L3MBTL4: variants seen among roughly 807,000 people sequenced by gnomAD.
The protein encoded by L3MBTL4 is L3MBTL histone methyl-lysine binding protein 4, also known as lethal(3)malignant brain tumor-like protein 4.
In L3MBTL4, 70 loss-of-function variants were observed where a neutral mutation model predicts 84.5. That is an observed-to-expected ratio of 0.83 (90% confidence interval 0.68 to 1.01). The LOEUF (loss-of-function observed/expected upper bound fraction) is 1.01. L3MBTL4 is among the 50% of genes least tolerant of loss of function. The pLI, the probability that L3MBTL4 is intolerant of heterozygous loss-of-function variation, is 0.00. For synonymous variants in L3MBTL4, 274 were observed against 259.8 expected (o/e 1.05, Z -0.52); for missense variants, 715 against 754.8 (o/e 0.95, Z 0.62).
chr18:6,361,458 G>C (rs569092518), intron 1 of L3MBTL4, among the ~76,000 whole-genome samples: 1 of 152,122 alleles, frequency 6.6e-6, no homozygotes, highest in African/African-American at 2.4e-5. Flanking sequence ...ACAGATCCAG[G>C]GGTGGCCTCC....
intron 5 of L3MBTL4, among the ~76,000 whole-genome samples, chr18:6,263,269 C>CAAAA (rs750079581): frequency 1.6e-5 from 1 of 60,692 alleles, no homozygotes. Flanking sequence ...CTCCGTCTCA[C>CAAAA]AAAAAAAAAA....
intron 13 of L3MBTL4, among the ~76,000 whole-genome samples, chr18:6,149,317 C>G (rs1034189721): frequency 2.0e-5 from 3 of 150,750 alleles, no homozygotes; most frequent in East Asian, 2.0e-4. Context: ...TTTGTCCTTG[C>G]GATAGTTTGC....
intron 11 of L3MBTL4, among the ~76,000 whole-genome samples, chr18:6,214,562 AAT>A (rs1352778033): frequency 1.3e-5 from 2 of 152,250 alleles, no homozygotes; most frequent in Non-Finnish European, 2.9e-5. Flanking sequence ...ATATGTCAGT[AAT>A]AAACAGTCAA....
chr18:6,344,254 C>T (rs1391133461), intron 1 of L3MBTL4, among the ~76,000 whole-genome samples: 1 of 152,050 alleles, frequency 6.6e-6, no homozygotes, highest in African/African-American at 2.4e-5. Context: ...GCGATCATAA[C>T]ACTACTATGA....
At chr18:6,274,938 A>G (rs2049019065) in intron 4 of L3MBTL4, among the ~76,000 whole-genome samples, 1 of 152,220 alleles carries the variant, frequency 6.6e-6, no homozygotes, top group Non-Finnish European at 1.5e-5. Context: ...TTTCTAGCTT[A>G]GGAGAGTGAA....
chr18:5,956,184 C>T lies in L3MBTL4; in HGVS notation c.*36G>A. The T allele has an allele frequency of 6.3e-7, 1 of 1,575,436 alleles. No homozygotes were observed. The highest frequency in any genetic ancestry group is 8.7e-7 in the Non-Finnish European group (1 of 1,151,566). ...CTCCACTTTTATTGCTGAAAGAGCG[C>T]AGGTCTTGGTGCCAGAGGAAGTTCA... On this transcript the variant is annotated 3_prime_UTR_variant, in exon 19 of 19. Transcript: ENST00000317931.
At chr18:6,211,636 T>C (rs1440055240) in intron 12 of L3MBTL4, among the ~76,000 whole-genome samples, 2 of 152,110 alleles carry the variant, frequency 1.3e-5, no homozygotes, top group East Asian at 1.9e-4. Context: ...TGAGCTTATC[T>C]TAGAAATGAA....
At chr18:6,349,802 C>A (rs539339364) in intron 1 of L3MBTL4, among the ~76,000 whole-genome samples, 29 of 152,186 alleles carry the variant, frequency 1.9e-4, no homozygotes, top group African/African-American at 6.0e-4. Flanking sequence ...AGAGTAATCA[C>A]CTGTGGTGGG....
At chr18:6,222,468 G>A (rs926060231) in intron 10 of L3MBTL4, among the ~76,000 whole-genome samples, 6 of 151,736 alleles carry the variant, frequency 4.0e-5, no homozygotes, top group Admixed American at 1.3e-4. Context: ...CTGGCTGAGC[G>A]CCCAGCAGAA....
intron 1 of L3MBTL4, among the ~76,000 whole-genome samples, chr18:6,345,996 G>A (rs1000346043): frequency 6.6e-6 from 1 of 151,052 alleles, no homozygotes; most frequent in Non-Finnish European, 1.5e-5. Context: ...GGAACAGAAT[G>A]GAGCGCCAAG....
At chr18:5,972,792 A>G (rs932375383) in intron 16 of L3MBTL4, among the ~76,000 whole-genome samples, 1 of 152,044 alleles carries the variant, frequency 6.6e-6, no homozygotes, top group Non-Finnish European at 1.5e-5. Flanking sequence ...TTAGGTACTT[A>G]ATTTCTACAT....
intron 18 of L3MBTL4, among the ~76,000 whole-genome samples, chr18:5,958,069 A>C (rs551659176): frequency 9.5e-5 from 3 of 31,710 alleles, no homozygotes; most frequent in Non-Finnish European, 1.4e-4. Context: ...AAGGAGAAGA[A>C]GAAGAAGAAG....
chr18:6,031,788 A>C (rs1157531915), intron 16 of L3MBTL4: 5 of 982,364 alleles, frequency 5.1e-6, no homozygotes, highest in Non-Finnish European at 6.0e-6. Flanking sequence ...TCATCTGGTG[A>C]CTAAAGGCAA....
chr18:6,155,733 T>C (rs1397299431), intron 13 of L3MBTL4, among the ~76,000 whole-genome samples: 1 of 152,204 alleles, frequency 6.6e-6, no homozygotes, highest in East Asian at 1.9e-4. Flanking sequence ...GTTCTCTAAG[T>C]CTGTCATTTA....
At chr18:6,120,908 A>C (rs962352183) in intron 14 of L3MBTL4, among the ~76,000 whole-genome samples, 11 of 152,158 alleles carry the variant, frequency 7.2e-5, no homozygotes, top group African/African-American at 2.7e-4. Flanking sequence ...AGCTATTATA[A>C]ATAGCGCTGC....
chr18:5,984,383 T>C (rs1214247025), intron 16 of L3MBTL4, among the ~76,000 whole-genome samples: 1 of 152,260 alleles, frequency 6.6e-6, no homozygotes, highest in Admixed American at 6.5e-5. Flanking sequence ...CTTAACACTA[T>C]GGTGACAACT....
intron 15 of L3MBTL4, among the ~76,000 whole-genome samples, chr18:6,081,432 G>A (rs567007294): frequency 9.2e-4 from 140 of 152,130 alleles, no homozygotes; most frequent in African/African-American, 3.1e-3. Context: ...TATGTAGTAC[G>A]GCCTAATTCT....
intron 4 of L3MBTL4, among the ~76,000 whole-genome samples, chr18:6,298,884 A>G (rs1487823732): frequency 6.6e-6 from 1 of 152,124 alleles, no homozygotes; most frequent in Non-Finnish European, 1.5e-5. Flanking sequence ...AAAAAAAAAC[A>G]AAACAAAACA....
At chr18:6,308,101 G>C (rs1018350277) in intron 3 of L3MBTL4, among the ~76,000 whole-genome samples, 2 of 152,132 alleles carry the variant, frequency 1.3e-5, no homozygotes, top group African/African-American at 4.8e-5. Flanking sequence ...GCAAGCTGGT[G>C]AGCAGAAAAA....
Sources: gnomAD v4.1 joint callset for allele counts (sites outside exome capture counted in the v4.1 genomes callset) on GRCh38, gnomAD v4.1.1 for gene constraint, MANE v1.5 for transcripts, NCBI Gene and HGNC (gene_info 2026-07-23, HGNC 2026-07-21) for gene names.